Variants in COG5 observed in about 807,000 individuals in gnomAD.
COG5 encodes conserved oligomeric Golgi complex subunit 5.
Under a neutral mutation model 110.4 loss-of-function variants are expected in COG5, and 86 were observed. The ratio of observed to expected loss-of-function variants is 0.78; its 90% CI spans 0.65 to 0.93. The LOEUF is 0.93. Among genes scored for constraint, COG5 ranks in the 40% least tolerant of loss-of-function variants. The pLI, the probability that COG5 is intolerant of heterozygous loss-of-function variation, is 0.00. For synonymous variants in COG5, 360 were observed against 334.6 expected (o/e 1.08, Z -0.83); for missense variants, 1,077 against 987.0 (o/e 1.09, Z -1.22).
At chr7:107,447,498 A>C (rs1466757761) in intron 6 of COG5, among the ~76,000 whole-genome samples, 1 of 152,222 alleles carries the variant, frequency 6.6e-6, no homozygotes, top group Non-Finnish European at 1.5e-5. Context: ...ATACATACGA[A>C]GAGGAAAAGT....
chr7:107,414,532 C>G (rs536324331), intron 6 of COG5, among the ~76,000 whole-genome samples: 1 of 151,872 alleles, frequency 6.6e-6, no homozygotes, highest in Non-Finnish European at 1.5e-5. Flanking sequence ...TTTTACTAGG[C>G]TTTCAATATT....
intron 12 of COG5, among the ~76,000 whole-genome samples, chr7:107,295,079 ATATATATATATATATATATATATTTT>A (rs1278594497): frequency 1.7e-5 from 1 of 58,646 alleles, no homozygotes; most frequent in Non-Finnish European, 3.1e-5. Flanking sequence ...ATATATATAT[ATATATATATATATATATATATATTTT>A]TTTTTTTTTT....
At chr7:107,216,001 G>A (rs942542868) in intron 19 of COG5, among the ~76,000 whole-genome samples, 12 of 152,020 alleles carry the variant, frequency 7.9e-5, no homozygotes, top group African/African-American at 2.7e-4. Context: ...GAGCCACTGC[G>A]CCTGGCCCGA....
intron 5 of COG5, among the ~76,000 whole-genome samples, chr7:107,545,373 A>G (rs141383850): frequency 3.4e-4 from 52 of 152,330 alleles, no homozygotes; most frequent in African/African-American, 1.3e-3. Context: ...TCTTGAAAGC[A>G]ACAAGAGAAA....
chr7:107,284,528 T>G (rs1805467450), intron 12 of COG5, among the ~76,000 whole-genome samples: 1 of 152,202 alleles, frequency 6.6e-6, no homozygotes, highest in Non-Finnish European at 1.5e-5. Context: ...TTTTCCATTT[T>G]TGTGTTACTA....
At chr7:107,443,498 T>C (rs1270986563) in intron 6 of COG5, among the ~76,000 whole-genome samples, 1 of 151,742 alleles carries the variant, frequency 6.6e-6, no homozygotes, top group African/African-American at 2.4e-5. Context: ...CAAGTTATAA[T>C]GGGTGAATTA....
intron 16 of COG5, among the ~76,000 whole-genome samples, chr7:107,254,118 G>A (rs1802713741): frequency 6.6e-6 from 1 of 151,996 alleles, no homozygotes; most frequent in African/African-American, 2.4e-5. Context: ...AAAAGAATAC[G>A]TAATGATGAA....
intron 6 of COG5, among the ~76,000 whole-genome samples, chr7:107,513,373 G>T (rs1213906847): frequency 6.6e-6 from 1 of 151,958 alleles, no homozygotes; most frequent in Non-Finnish European, 1.5e-5. Context: ...AGTTAGAATG[G>T]CGATCATTAA....
chr7:107,443,550 A>G (rs1794842967), intron 6 of COG5, among the ~76,000 whole-genome samples: 1 of 151,492 alleles, frequency 6.6e-6, no homozygotes, highest in South Asian at 2.1e-4. Flanking sequence ...GTCAAAAAAT[A>G]CCTCAGGCCA....
chr7:107,299,826 C>T (rs1206148524), intron 11 of COG5, among the ~76,000 whole-genome samples: 5 of 103,200 alleles, frequency 4.8e-5, no homozygotes, highest in South Asian at 3.6e-4. Flanking sequence ...TCATAGTTGG[C>T]ATATATATAT....
At chr7:107,485,979 A>G (rs1169814683) in intron 6 of COG5, among the ~76,000 whole-genome samples, 1 of 152,186 alleles carries the variant, frequency 6.6e-6, no homozygotes, top group Non-Finnish European at 1.5e-5. Flanking sequence ...CATATTAGGC[A>G]GAGGCACAAA....
intron 6 of COG5, among the ~76,000 whole-genome samples, chr7:107,487,579 A>G (rs140208459): frequency 7.0e-4 from 106 of 152,250 alleles, no homozygotes; most frequent in African/African-American, 2.3e-3. Context: ...CACAAAATAT[A>G]TTTTATTTTG....
chr7:107,422,399 C>T (rs1431824345), intron 6 of COG5, among the ~76,000 whole-genome samples: 1 of 152,108 alleles, frequency 6.6e-6, no homozygotes, highest in Non-Finnish European at 1.5e-5. Context: ...TGGTGGCATG[C>T]CCCTGTAATC....
At chr7:107,547,999 T>C (rs1318843297) in intron 5 of COG5, 112 bp downstream of exon 5, 1 of 882,926 alleles carries the variant, frequency 1.1e-6, no homozygotes, top group Non-Finnish European at 1.8e-6. Flanking sequence ...TCCTTTTCTC[T>C]TACCTTCTGT....
chr7:107,391,168 G>C (rs768174619), intron 7 of COG5, among the ~76,000 whole-genome samples: 2 of 151,926 alleles, frequency 1.3e-5, no homozygotes, highest in Admixed American at 6.6e-5. Context: ...GTCATTTAAC[G>C]TGTGCTGAAT....
chr7:107,554,915 G>C (rs1803196490), intron 2 of COG5, among the ~76,000 whole-genome samples: 2 of 152,162 alleles, frequency 1.3e-5, no homozygotes, highest in African/African-American at 4.8e-5. Flanking sequence ...CAAGCCCCTT[G>C]CTATCTTAAA....
At chr7:107,345,846 TA>T (rs1811556625) in intron 10 of COG5, among the ~76,000 whole-genome samples, 1 of 152,202 alleles carries the variant, frequency 6.6e-6, no homozygotes, top group Admixed American at 6.5e-5. Flanking sequence ...ATTGGATTAC[TA>T]AAAATAAACA....
chr7:107,274,954 C>CT (rs146704165), intron 14 of COG5, among the ~76,000 whole-genome samples: 1 of 151,910 alleles, frequency 6.6e-6, no homozygotes, highest in Admixed American at 6.6e-5. Flanking sequence ...AGAAAGCTAT[C>CT]TTTTTTTCTT....
At chr7:107,268,641 T>A (rs1803994833) in intron 14 of COG5, among the ~76,000 whole-genome samples, 1 of 152,218 alleles carries the variant, frequency 6.6e-6, no homozygotes. Context: ...TATAATTCTA[T>A]CCACTTGTGC....
Sources: allele counts gnomAD v4.1 joint callset (sites outside exome capture counted in the v4.1 genomes callset), GRCh38; gene constraint gnomAD v4.1.1; transcripts MANE v1.5; gene names NCBI Gene and HGNC (gene_info 2026-07-23, HGNC 2026-07-21).